The following KIF16B variants were observed in gnomAD, a reference collection of about 807,000 sequenced individuals.
The protein encoded by KIF16B is kinesin family member 16B, also known as kinesin-like protein KIF16B.
KIF16B carries 98 observed loss-of-function variants against 156.3 expected under a neutral mutation model. The observed-to-expected ratio is 0.63, with a 90% CI of 0.53 to 0.74. The LOEUF is 0.74. KIF16B is among the 30% of genes least tolerant of loss of function. The pLI is 0.00. For missense variants in KIF16B, 1,421 were observed against 1,606.5 expected, an observed-to-expected ratio of 0.88 and a Z score of 1.97; for synonymous variants, 564 against 583.7, an observed-to-expected ratio of 0.97 and a Z score of 0.49.
chr20:16,446,648 A>C (rs2066939043), intron 12 of KIF16B, among the ~76,000 whole-genome samples: 1 of 152,204 alleles, frequency 6.6e-6, no homozygotes, highest in South Asian at 2.1e-4. Context: ...AAAAATATAT[A>C]TATGAAACTA....
At chr20:16,466,435 C>T (rs1269973812) in intron 12 of KIF16B, among the ~76,000 whole-genome samples, 5 of 152,198 alleles carry the variant, frequency 3.3e-5, no homozygotes, top group Admixed American at 1.3e-4. Context: ...CCCCACGTGT[C>T]GTGGGAGGGA....
intron 19 of KIF16B, 152 bp downstream of exon 19, chr20:16,378,653 C>G (rs1568908881): frequency 6.5e-6 from 5 of 764,296 alleles, no homozygotes; most frequent in Non-Finnish European, 6.2e-6. Context: ...TTTCTCAGTT[C>G]TGGCAAATAT....
Position 16,567,939 on chromosome 20 carries a change from G to A in KIF16B, c.47+5290C>T, listed in dbSNP as rs149495736. ...TGCACTCCAGCCTGGGCAACAGAGC[G>A]AGACTTCGTCTCAAAAAAAAGAAAT... is the stretch of plus-strand genomic sequence containing the variant. On this transcript the variant is annotated intron_variant, in intron 1 of 25. Coordinates refer to ENST00000354981, the MANE Select transcript of KIF16B (RefSeq NM_024704.5). Among the ~76,000 whole-genome samples the A allele has an allele frequency of 4.1e-3, 631 of 152,252 alleles. 7 individuals carry two copies. The highest frequency in any genetic ancestry group is 0.014 in the African/African-American group (584 of 41,540).
At chr20:16,295,177 T>C (rs1230872350) in intron 25 of KIF16B, among the ~76,000 whole-genome samples, 1 of 152,124 alleles carries the variant, frequency 6.6e-6, no homozygotes, top group Non-Finnish European at 1.5e-5. Context: ...GAGCAGCCCA[T>C]AAGCTCCCAG....
chr20:16,311,039 T>G (rs1377617123), intron 25 of KIF16B, among the ~76,000 whole-genome samples: 1 of 152,246 alleles, frequency 6.6e-6, no homozygotes, highest in African/African-American at 2.4e-5. Context: ...TCAGTGGCAT[T>G]AAGTGCATGC....
intron 12 of KIF16B, among the ~76,000 whole-genome samples, chr20:16,487,339 C>T (rs913313345): frequency 1.2e-4 from 18 of 152,010 alleles, no homozygotes; most frequent in African/African-American, 4.3e-4. Flanking sequence ...TTTCCAGAAA[C>T]CAGAGGATTC....
chr20:16,369,396 C>T, intron 22 of KIF16B: 1 of 545,194 alleles, frequency 1.8e-6, no homozygotes, highest in Non-Finnish European at 2.3e-6. Context: ...AAAGTCTAAG[C>T]CATTTGTATT....
chr20:16,297,232 T>C (rs576997737), intron 25 of KIF16B, among the ~76,000 whole-genome samples: 2 of 152,320 alleles, frequency 1.3e-5, no homozygotes, highest in East Asian at 3.9e-4. Context: ...TCTCTCCCCA[T>C]CATTGCTTAT....
intron 14 of KIF16B, 120 bp from the exon 15 acceptor site, chr20:16,427,361 T>G: frequency 1.1e-6 from 1 of 948,398 alleles, no homozygotes; most frequent in East Asian, 2.7e-5. Context: ...TCCACATAAG[T>G]ATCATGAAGT....
At chr20:16,444,164 A>T (rs2066872527) in intron 12 of KIF16B, among the ~76,000 whole-genome samples, 1 of 152,228 alleles carries the variant, frequency 6.6e-6, no homozygotes, top group Non-Finnish European at 1.5e-5. Flanking sequence ...AAAACTATTT[A>T]CATGTTGTAA....
At chr20:16,422,967 A>C (rs1180957293) in intron 15 of KIF16B, among the ~76,000 whole-genome samples, 1 of 152,138 alleles carries the variant, frequency 6.6e-6, no homozygotes, top group Non-Finnish European at 1.5e-5. Context: ...AGATTAAAAC[A>C]TATTATAAAA....
chr20:16,453,370 CATAAA>C (rs370959929), intron 12 of KIF16B, among the ~76,000 whole-genome samples: 3 of 151,870 alleles, frequency 2.0e-5, no homozygotes, highest in African/African-American at 4.8e-5. Flanking sequence ...CTCCAGAAGC[CATAAA>C]ATAAAATACT....
intron 12 of KIF16B, among the ~76,000 whole-genome samples, chr20:16,441,451 A>G (rs1364754549): frequency 1.3e-5 from 2 of 152,158 alleles, no homozygotes; most frequent in Admixed American, 6.5e-5. Flanking sequence ...ATCAGGCCTA[A>G]TCGCATGGAT....
At chr20:16,469,800 A>G (rs2067606946) in intron 12 of KIF16B, among the ~76,000 whole-genome samples, 1 of 152,182 alleles carries the variant, frequency 6.6e-6, no homozygotes, top group Non-Finnish European at 1.5e-5. Context: ...CTTTCCATAC[A>G]AACCAGTAAT....
chr20:16,565,907 G>T (rs2071236075), intron 1 of KIF16B, among the ~76,000 whole-genome samples: 1 of 152,204 alleles, frequency 6.6e-6, no homozygotes, highest in South Asian at 2.1e-4. Flanking sequence ...CCTGCTGACT[G>T]GTCTTTAGAA....
Position 16,508,009 on chromosome 20 carries a change from C to A in KIF16B, c.648G>T (p.Met216Ile). ...CATGAGACCTGCTACTGACGTCGTTCATCCCAGTCGCTGCGGTGGTCCGGT... is the reference window on the plus strand; with the variant it reads ...CATGAGACCTGCTACTGACGTCGTTAATCCCAGTCGCTGCGGTGGTCCGGT... Reference protein sequence around the residue: ...NINRTTAATGMNDVSSRSHAI... With the variant: ...NINRTTAATGINDVSSRSHAI... The change falls in exon 7 of 26, where the codon ATG (methionine) becomes ATT (isoleucine). Residue 216 changes from methionine (M) to isoleucine (I), a missense_variant. Physicochemically the swap from Met to Ile is conservative, Grantham distance 10. Transcript: ENST00000354981. 6.2e-7 allele frequency: 1 copy of A among 1,614,204 alleles called. No homozygotes were observed. The highest frequency in any genetic ancestry group is 8.5e-7 in the Non-Finnish European group (1 of 1,180,020).
rs909895467 is a variant in KIF16B, at chr20:16,460,389, T to C, written c.1303-30407A>G. Among the ~76,000 whole-genome samples, 4 of 152,170 alleles carry C rather than the reference T, an allele frequency of 2.6e-5. No homozygotes were observed. The South Asian group carries it at 6.2e-4, about 24-fold the overall frequency. On this transcript the variant is annotated intron_variant, in intron 12 of 25. Transcript: ENST00000354981. ...TGAGGTTAGGAGTTTGAGATCAGTC[T>C]GGTGAAACCCCATCTCTACTAAAAA...
chr20:16,363,371 T>C (rs543790757), intron 22 of KIF16B, among the ~76,000 whole-genome samples: 24 of 152,334 alleles, frequency 1.6e-4, no homozygotes, highest in African/African-American at 5.1e-4. Context: ...GGGCATACTC[T>C]TCCCGGTACC....
chr20:16,319,439 T>C (rs2063743473), intron 24 of KIF16B, among the ~76,000 whole-genome samples: 1 of 152,136 alleles, frequency 6.6e-6, no homozygotes, highest in Non-Finnish European at 1.5e-5. Context: ...GTTACTCCTG[T>C]CCTCATGACA....
Sources: allele counts gnomAD v4.1 joint callset (sites outside exome capture counted in the v4.1 genomes callset), GRCh38; gene constraint gnomAD v4.1.1; transcripts MANE v1.5; gene names NCBI Gene and HGNC (gene_info 2026-07-23, HGNC 2026-07-21).